The following SPRED1 variants were observed in gnomAD, a reference collection of about 807,000 sequenced individuals.
SPRED1 encodes sprouty-related, EVH1 domain-containing protein 1.
In SPRED1, 18 loss-of-function variants were observed where a neutral mutation model predicts 52.3. The ratio of observed to expected loss-of-function variants is 0.34; its 90% confidence interval spans 0.24 to 0.51. The LOEUF (loss-of-function observed/expected upper bound fraction) is 0.51. Ranked by LOEUF, SPRED1 falls within the 20% of genes least tolerant of loss-of-function variation. The pLI is 0.97. For missense variants in SPRED1, 485 were observed against 551.0 expected (o/e 0.88, Z 1.20); for synonymous variants, 155 against 179.7 (o/e 0.86, Z 1.10).
At position 38,357,092 on chromosome 15, in the gene SPRED1, T is replaced by A. The variant is rs1218836737; in HGVS notation, c.*5428T>A. On this transcript the variant is annotated 3_prime_UTR_variant, in exon 7 of 7. Coordinates refer to ENST00000299084, the MANE Select transcript of SPRED1 (RefSeq NM_152594.3). ...AGCTTGGCTATCAATATAAGTGTCA[T>A]GCACATAGTGCTCCTTAAAGAAAAA... 6.6e-6 allele frequency: 1 copy of A among 152,190 alleles called. No individual in the cohort carries two copies. Among genetic ancestry groups the A allele is most frequent in the African/African-American group, 2.4e-5 (1 of 41,470 alleles). The allele number at this position is 152,190 out of a possible 1,614,324, so 9.4% of individuals were successfully genotyped here.
Position 38,339,858 on chromosome 15 carries a change from A to G in SPRED1, c.545A>G (p.Asn182Ser). 6.2e-7 allele frequency: 1 copy of G among 1,613,946 alleles called. No homozygotes were observed. Among genetic ancestry groups the G allele is most frequent in the Non-Finnish European group, 8.5e-7 (1 of 1,179,924 alleles). Reference sequence around the variant, plus strand: ...AGACCTTCTCCCTTTGAAGATCTGAATGCCAGAAGAGTCTACATGCAAAGC... The same window carrying G: ...AGACCTTCTCCCTTTGAAGATCTGAGTGCCAGAAGAGTCTACATGCAAAGC... ...NIRPSPFEDL[N>S]ARRVYMQSQA... The change falls in exon 5 of 7, where the codon AAT becomes AGT. Residue 182 changes from asparagine (N) to serine (S), a missense_variant. By Grantham distance (46) the Asn-to-Ser change is conservative. Coordinates refer to ENST00000299084, the MANE Select transcript of SPRED1 (RefSeq NM_152594.3).
intron 4 of SPRED1, among the ~76,000 whole-genome samples, chr15:38,326,544 C>G (rs538391720): frequency 2.0e-5 from 3 of 152,208 alleles, no homozygotes; most frequent in South Asian, 2.1e-4. Flanking sequence ...TTAAGATGAA[C>G]CTCAGAGAAA....
At chr15:38,301,226 G>C (rs1463281163) in intron 2 of SPRED1, among the ~76,000 whole-genome samples, 1 of 152,090 alleles carries the variant, frequency 6.6e-6, no homozygotes, top group Non-Finnish European at 1.5e-5. Flanking sequence ...TCAGAGTGTG[G>C]CTTTAACATA....
chr15:38,339,051 CT>C (rs1179176142), intron 4 of SPRED1, among the ~76,000 whole-genome samples: 1 of 151,970 alleles, frequency 6.6e-6, no homozygotes, highest in Non-Finnish European at 1.5e-5. Flanking sequence ...CATCCCGTTT[CT>C]TTAAAAAATT....
chr15:38,290,982 C>G (rs1024102174), intron 1 of SPRED1, among the ~76,000 whole-genome samples: 1 of 152,102 alleles, frequency 6.6e-6, no homozygotes, highest in Non-Finnish European at 1.5e-5. Flanking sequence ...ACCATTAACC[C>G]AAAAGTCCAG....
intron 1 of SPRED1, among the ~76,000 whole-genome samples, chr15:38,259,478 T>C (rs12901969): frequency 0.82 from 125,032 of 151,796 alleles, 52,282 homozygotes; most frequent in Non-Finnish European, 0.9. Flanking sequence ...ATTCCTTGGC[T>C]CAAGTGATCC....
At chr15:38,346,655 A>G (rs1481353588) in intron 5 of SPRED1, among the ~76,000 whole-genome samples, 1 of 152,012 alleles carries the variant, frequency 6.6e-6, no homozygotes, top group Non-Finnish European at 1.5e-5. Flanking sequence ...TTATTCTCCC[A>G]ATTGGATATT....
chr15:38,279,339 A>C (rs1392367163), intron 1 of SPRED1, among the ~76,000 whole-genome samples: 1 of 152,210 alleles, frequency 6.6e-6, no homozygotes, highest in East Asian at 1.9e-4. Context: ...TACCAGTATG[A>C]GTCAAAGGCC....
At chr15:38,292,267 T>C (rs28836828) in intron 1 of SPRED1, among the ~76,000 whole-genome samples, 31,159 of 152,126 alleles carry the variant, frequency 0.2, 3,721 homozygotes, top group South Asian at 0.27. Flanking sequence ...TTCATTTCAC[T>C]ATCAGCATTT....
intron 4 of SPRED1, among the ~76,000 whole-genome samples, chr15:38,331,899 AC>A (rs1895813752): frequency 6.6e-6 from 1 of 152,226 alleles, no homozygotes; most frequent in African/African-American, 2.4e-5. Context: ...ATACAAGTAC[AC>A]CAAGATATAT....
chr15:38,320,650 C>G (rs1167634754), intron 2 of SPRED1, among the ~76,000 whole-genome samples: 1 of 152,054 alleles, frequency 6.6e-6, no homozygotes, highest in African/African-American at 2.4e-5. Context: ...AAAATACAAC[C>G]TTTCACCAAA....
At chr15:38,262,119 G>A (rs1250247469) in intron 1 of SPRED1, among the ~76,000 whole-genome samples, 1 of 151,824 alleles carries the variant, frequency 6.6e-6, no homozygotes, top group East Asian at 1.9e-4. Flanking sequence ...TTAGTTGCTG[G>A]ATTATATATA....
At chr15:38,299,609 A>G in intron 2 of SPRED1, 62 bp downstream of exon 2, 1 of 1,504,188 alleles carries the variant, frequency 6.6e-7, no homozygotes, top group Non-Finnish European at 9.2e-7. Context: ...TAAAGTTATG[A>G]TTAGTATACT....
chr15:38,345,866 A>G (rs1458146219), intron 5 of SPRED1, among the ~76,000 whole-genome samples: 2 of 152,148 alleles, frequency 1.3e-5, no homozygotes, highest in Admixed American at 6.5e-5. Context: ...CACTGTACAG[A>G]CGTCCTTGAA....
At chr15:38,350,528 G>T (rs1888459011) in intron 6 of SPRED1, among the ~76,000 whole-genome samples, 1 of 152,132 alleles carries the variant, frequency 6.6e-6, no homozygotes, top group African/African-American at 2.4e-5. Context: ...CCAAAATCAT[G>T]CCCTTCTCAC....
chr15:38,320,564 A>G (rs1895581364), intron 2 of SPRED1, among the ~76,000 whole-genome samples: 1 of 152,152 alleles, frequency 6.6e-6, no homozygotes, highest in Non-Finnish European at 1.5e-5. Flanking sequence ...TACTAGTAAT[A>G]TCTGAGGGGA....
Position 38,354,918 on chromosome 15 carries a change from A to G in SPRED1, c.*3254A>G, listed in dbSNP as rs561659585. ...CATGAAAAAACATAATCACACCTGT[A>G]TTTTATCATGACAGCTTCAGAGAGT... On this transcript the variant is annotated 3_prime_UTR_variant, in exon 7 of 7. Transcript: ENST00000299084. 1 of 152,268 alleles carries G rather than the reference A, an allele frequency of 6.6e-6. No individual in the cohort carries two copies. The highest frequency in any genetic ancestry group is 2.1e-4 in the South Asian group (1 of 4,830). The allele number at this position is 152,268 out of a possible 1,614,324, so 9.4% of individuals were successfully genotyped here. A position where few individuals can be genotyped will look rare whatever the true frequency, so the allele number is the denominator to read the frequency against.
chr15:38,292,192 C>T (rs1302484230), intron 1 of SPRED1, among the ~76,000 whole-genome samples: 1 of 152,142 alleles, frequency 6.6e-6, no homozygotes, highest in Non-Finnish European at 1.5e-5. Context: ...CAAGATTCAG[C>T]TTTGCTCCAG....
At chr15:38,347,461 C>CTTTTTT (rs3075337) in intron 5 of SPRED1, among the ~76,000 whole-genome samples, 5 of 93,242 alleles carry the variant, frequency 5.4e-5, no homozygotes, top group Middle Eastern at 5.9e-3. Context: ...CCGCTTGGAT[C>CTTTTTT]TTTTTTTTTT....
Sources: allele counts gnomAD v4.1 joint callset (sites outside exome capture counted in the v4.1 genomes callset), GRCh38; gene constraint gnomAD v4.1.1; transcripts MANE v1.5; gene names NCBI Gene and HGNC (gene_info 2026-07-23, HGNC 2026-07-21).